IGF2R: variants seen among roughly 807,000 people sequenced by gnomAD.
The protein encoded by IGF2R is insulin like growth factor 2 receptor.
Under a neutral mutation model 270.6 loss-of-function variants are expected in IGF2R, and 91 were observed. The ratio of observed to expected loss-of-function variants is 0.34; its 90% CI spans 0.28 to 0.40. IGF2R has a LOEUF of 0.40. IGF2R is among the 10% of genes least tolerant of loss of function. The pLI, the probability that IGF2R is intolerant of heterozygous loss-of-function variation, is 1.00. For missense variants in IGF2R, 2,805 were observed against 3,188.3 expected (o/e 0.88, Z 2.90); for synonymous variants, 1,316 against 1,258.9 (o/e 1.05, Z -0.96).
intron 1 of IGF2R, among the ~76,000 whole-genome samples, chr6:159,990,889 A>G (rs892754339): frequency 6.6e-6 from 1 of 152,130 alleles, no homozygotes; most frequent in Non-Finnish European, 1.5e-5. Flanking sequence ...CGGCCTCCCA[A>G]AGTGCTGGGA....
chr6:159,986,096 T>C (rs1364275503), intron 1 of IGF2R, among the ~76,000 whole-genome samples: 1 of 152,104 alleles, frequency 6.6e-6, no homozygotes, highest in Non-Finnish European at 1.5e-5. Context: ...TTTGCAGTTC[T>C]CCCCGCTCCT....
intron 44 of IGF2R, chr6:160,093,812 T>C: frequency 1.4e-6 from 1 of 735,186 alleles, no homozygotes; most frequent in South Asian, 1.4e-5. Flanking sequence ...TGATGAGCTG[T>C]TAAGGGTGCT....
intron 41 of IGF2R, among the ~76,000 whole-genome samples, chr6:160,087,263 C>T (rs1469942775): frequency 6.6e-6 from 1 of 152,186 alleles, no homozygotes; most frequent in East Asian, 1.9e-4. Context: ...CTGGGAGGCT[C>T]ACATGAGGGT....
At chr6:160,039,754 T>A (rs375108552) in intron 10 of IGF2R, among the ~76,000 whole-genome samples, 12 of 152,116 alleles carry the variant, frequency 7.9e-5, no homozygotes, top group African/African-American at 2.9e-4. Flanking sequence ...CCTGGAAAGG[T>A]GCAGGGATAG....
intron 19 of IGF2R, among the ~76,000 whole-genome samples, chr6:160,052,002 G>A (rs1236024226): frequency 1.3e-5 from 2 of 151,588 alleles, no homozygotes; most frequent in East Asian, 3.9e-4. Context: ...TTGAGCCCAG[G>A]AGTCTCAGAC....
intron 2 of IGF2R, among the ~76,000 whole-genome samples, chr6:159,996,856 C>T (rs1784061422): frequency 6.6e-6 from 1 of 152,102 alleles, no homozygotes; most frequent in South Asian, 2.1e-4. Context: ...TGAGGCCCCA[C>T]CTTTCGTGCA....
At chr6:160,065,814 G>GTGTGTGTATACATATATATATATA in intron 29 of IGF2R, among the ~76,000 whole-genome samples, 1 of 78,392 alleles carries the variant, frequency 1.3e-5, no homozygotes, top group Non-Finnish European at 2.3e-5. Context: ...GTGTGTGTGT[G>GTGTGTGTATACATATATATATATA]TATATATATA....
Position 160,102,711 on chromosome 6 carries a change from T to A in IGF2R, c.6995+40T>A. 1 of 1,550,252 alleles carries A rather than the reference T, an allele frequency of 6.5e-7. No individual in the cohort carries two copies. The highest frequency in any genetic ancestry group is 8.8e-7 in the Non-Finnish European group (1 of 1,140,902). ...GGGCGAGGTGGGGCGGGTGGATGCA[T>A]GCCTCCCATAGCTAATCTTGGGGTC... On this transcript the variant is annotated intron_variant, in intron 46 of 47. Coordinates refer to ENST00000356956, the MANE Select transcript of IGF2R (RefSeq NM_000876.4). The surrounding 1 kb of genome is among the most constrained non-coding windows in gnomAD (Gnocchi z 4.5).
chr6:160,100,218 G>C (rs1039824303), intron 45 of IGF2R, among the ~76,000 whole-genome samples: 3 of 152,046 alleles, frequency 2.0e-5, no homozygotes, highest in Admixed American at 2.0e-4. Flanking sequence ...TGTCAAACTG[G>C]ATTTCAAAAA....
At chr6:160,007,792 C>T (rs113117072) in intron 2 of IGF2R, 1 of 152,142 alleles carries the variant, frequency 6.6e-6, no homozygotes, top group African/African-American at 2.4e-5. Flanking sequence ...TGTGTTTTTC[C>T]TAGTTTATAA....
chr6:159,987,093 A>G (rs1254923372), intron 1 of IGF2R, among the ~76,000 whole-genome samples: 1 of 152,212 alleles, frequency 6.6e-6, no homozygotes, highest in Admixed American at 6.5e-5. Context: ...TTTAAGAATG[A>G]TTTTAGCTTA....
chr6:160,082,590 G>A (rs9457825), intron 39 of IGF2R, among the ~76,000 whole-genome samples: 68,422 of 151,736 alleles, frequency 0.45, 16,111 homozygotes, highest in East Asian at 0.67. Context: ...GATTACAGGC[G>A]TGAGCCACCG....
At position 160,032,710 on chromosome 6, in the gene IGF2R, G is replaced by A. The variant is rs770540501; in HGVS notation, c.1042G>A (p.Gly348Arg). Reference protein sequence around the residue: ...SIDLTPLAQSGGSSYISDGKE... With the variant: ...SIDLTPLAQSRGSSYISDGKE... ...AGACCTCACACCACTTGCCCAGAGC[G>A]GAGGTAAGCAGGTGCTTTCTGCCTC... Residue 348 changes from glycine (G) to arginine (R), a missense_variant, in exon 8 of 48, where the codon GGA becomes AGA. Physicochemically the swap from Gly to Arg is moderately radical, Grantham distance 125. Around this residue, in one of 2 missense-constraint regions of IGF2R, gnomAD observed 954 missense variants for 981.1 expected, o/e 0.97. Coordinates refer to ENST00000356956, the MANE Select transcript of IGF2R (RefSeq NM_000876.4). 15 of 1,613,394 alleles carry A rather than the reference G, an allele frequency of 9.3e-6. No homozygotes were observed. Among genetic ancestry groups the A allele is most frequent in the East Asian group, 4.5e-5 (2 of 44,884 alleles).
chr6:160,054,418 G>A (rs1778265667), intron 19 of IGF2R, among the ~76,000 whole-genome samples: 1 of 152,168 alleles, frequency 6.6e-6, no homozygotes, highest in African/African-American at 2.4e-5. Context: ...TAGAAGGCCA[G>A]GACCACCTGG....
In IGF2R at chr6:160,106,086, TA is replaced by T. The variant is rs1779611803; in HGVS notation, c.*1004del. On this transcript the variant is annotated 3_prime_UTR_variant, in exon 48 of 48. Transcript: ENST00000356956. ...CAACCATTCGACCTATAAGAAGCCT[TA>T]ATTTGCACAGTGTGTGACTTACAGA... 1 of 152,618 alleles carries T rather than the reference TA, an allele frequency of 6.6e-6. No individual in the cohort carries two copies. The highest frequency in any genetic ancestry group is 2.4e-5 in the African/African-American group (1 of 41,444). 9.5% of individuals were successfully genotyped at this position (152,618 alleles called of 1,614,324 possible).
Position 160,040,590 on chromosome 6 carries a change from C to T in IGF2R, c.1346C>T (p.Thr449Ile). Residue 449 changes from threonine to isoleucine, a missense_variant, in exon 11 of 48, where the codon ACA becomes ATA. Around this residue, in one of 2 missense-constraint regions of IGF2R, gnomAD observed 954 missense variants for 981.1 expected, o/e 0.97. Transcript: ENST00000356956. ...GATGGGAAAGGAACTCCTGTATTCA[C>T]AGGGGAGGTTGACTGCACCTACTTC... ...GNDGKGTPVF[T>I]GEVDCTYFFT... 6.2e-7 allele frequency: 1 copy of T among 1,614,144 alleles called. No individual in the cohort carries two copies. The highest frequency in any genetic ancestry group is 8.5e-7 in the Non-Finnish European group (1 of 1,179,978).
At chr6:160,044,757 A>T (rs1026052192) in intron 13 of IGF2R, 100 bp downstream of exon 13, 1 of 924,604 alleles carries the variant, frequency 1.1e-6, no homozygotes, top group African/African-American at 1.7e-5. Context: ...AGCTGATCAG[A>T]CAGATTGGCA....
intron 4 of IGF2R, among the ~76,000 whole-genome samples, chr6:160,018,045 T>G (rs1449464217): frequency 6.6e-6 from 1 of 152,094 alleles, no homozygotes; most frequent in African/African-American, 2.4e-5. Context: ...ATGCTCCACA[T>G]AAAAGATACA....
intron 41 of IGF2R, among the ~76,000 whole-genome samples, chr6:160,085,663 G>A (rs571833845): frequency 1.2e-4 from 19 of 152,358 alleles, no homozygotes; most frequent in African/African-American, 4.6e-4. Context: ...ATTAGGATTT[G>A]TTGGAGGGAC....
Sources: allele counts gnomAD v4.1 joint callset (sites outside exome capture counted in the v4.1 genomes callset), GRCh38; gene constraint gnomAD v4.1.1; regional missense constraint gnomAD v4.1.1; non-coding constraint Gnocchi (gnomAD v3.1); transcripts MANE v1.5; gene names NCBI Gene and HGNC (gene_info 2026-07-23, HGNC 2026-07-21).